XXYLT1: variants seen among roughly 807,000 people sequenced by gnomAD.
XXYLT1 encodes the protein UDP-xylose:alpha-xyloside alpha-1,3-xylosyltransferase.
A neutral mutation model predicts 28.9 loss-of-function variants in XXYLT1; 20 were observed. The observed-to-expected ratio is 0.69, with a 90% CI of 0.49 to 1.00. The LOEUF (loss-of-function observed/expected upper bound fraction) is 1.00. Among genes scored for constraint, XXYLT1 ranks in the 50% least tolerant of loss-of-function variants. The pLI is 0.00. For missense variants in XXYLT1, 542 were observed against 560.1 expected, an observed-to-expected ratio of 0.97 and a Z score of 0.33; for synonymous variants, 257 against 253.8, an observed-to-expected ratio of 1.01 and a Z score of -0.12.
chr3:195,117,228 C>T (rs971282731), intron 3 of XXYLT1, among the ~76,000 whole-genome samples: 1 of 151,982 alleles, frequency 6.6e-6, no homozygotes, highest in African/African-American at 2.4e-5. Context: ...TACACACACG[C>T]GTCCATATGT....
chr3:195,168,124 C>A lies in XXYLT1; in HGVS notation c.653-11543G>T. 6.6e-6 allele frequency among the ~76,000 whole-genome samples: 1 copy of A among 152,194 alleles called. No individual in the cohort carries two copies. The highest frequency in any genetic ancestry group is 1.9e-4 in the East Asian group (1 of 5,198). On this transcript the variant is annotated intron_variant, in intron 2 of 3. Coordinates refer to ENST00000310380, the MANE Select transcript of XXYLT1 (RefSeq NM_152531.5). This position sits in a 1 kb window ranked among gnomAD's most constrained non-coding sequence, Gnocchi z 4.3. ...GGCCCTGGGATAGAGCCGTGGCTCA[C>A]CGGCCTGGCTATGGCACTGCGTCCA...
At chr3:195,096,692 A>C (rs1347884081) in intron 3 of XXYLT1, among the ~76,000 whole-genome samples, 14 of 152,328 alleles carry the variant, frequency 9.2e-5, no homozygotes, top group Admixed American at 6.5e-4. Flanking sequence ...ATATTTACAC[A>C]GTTATTTAAC....
At chr3:195,223,242 A>G (rs995644519) in intron 2 of XXYLT1, among the ~76,000 whole-genome samples, 2 of 152,160 alleles carry the variant, frequency 1.3e-5, no homozygotes, top group Non-Finnish European at 2.9e-5. Flanking sequence ...AAAAAAAAGT[A>G]AGCACATTTT....
At chr3:195,094,757 C>CAA (rs1716326941) in intron 3 of XXYLT1, 1 of 153,794 alleles carries the variant, frequency 6.5e-6, no homozygotes, top group Non-Finnish European at 1.5e-5. Flanking sequence ...CAAGGGGCCA[C>CAA]AAGGCCGCAC....
At chr3:195,235,891 T>TATAGACATAGACATAGAC (rs3988214) in intron 1 of XXYLT1, among the ~76,000 whole-genome samples, 159 of 144,834 alleles carry the variant, frequency 1.1e-3, no homozygotes, top group Middle Eastern at 3.5e-3. Context: ...TCTATAAATA[T>TATAGACATAGACATAGAC]ATAGACATAG....
intron 1 of XXYLT1, among the ~76,000 whole-genome samples, chr3:195,232,235 T>C (rs1293737012): frequency 6.6e-6 from 1 of 152,164 alleles, no homozygotes; most frequent in African/African-American, 2.4e-5. Flanking sequence ...TAATATCTCC[T>C]TTTTCATCTC....
chr3:195,110,658 TGTTGTGTGTGGTGTATGTGTGTGTGTG>T, intron 3 of XXYLT1, among the ~76,000 whole-genome samples: 4 of 100,194 alleles, frequency 4.0e-5, no homozygotes, highest in South Asian at 3.5e-4. Flanking sequence ...GTGTGTGGTG[TGTTGTGTGTGGTGTATGTGTGTGTGTG>T]CTGTATGTGT....
chr3:195,203,587 G>T (rs1183633189), intron 2 of XXYLT1, among the ~76,000 whole-genome samples: 3 of 152,164 alleles, frequency 2.0e-5, no homozygotes, highest in Admixed American at 1.3e-4. Flanking sequence ...AAAACACAAA[G>T]AACAGAGCTC....
intron 2 of XXYLT1, among the ~76,000 whole-genome samples, chr3:195,178,913 T>C (rs1721806262): frequency 6.6e-6 from 1 of 152,180 alleles, no homozygotes; most frequent in African/African-American, 2.4e-5. Context: ...TTGGAAAACA[T>C]AAGAAAGAGT....
intron 2 of XXYLT1, among the ~76,000 whole-genome samples, chr3:195,167,528 T>C (rs1246022495): frequency 6.6e-6 from 1 of 152,130 alleles, no homozygotes; most frequent in African/African-American, 2.4e-5. Flanking sequence ...GAGGCGGAAG[T>C]TGCAGTGAGC....
In XXYLT1 at chr3:195,176,298, A is replaced by T. The variant is rs945101734; in HGVS notation, c.653-19717T>A. Among the ~76,000 whole-genome samples the T allele has an allele frequency of 1.1e-4, 17 of 152,178 alleles. No homozygotes were observed. The highest frequency in any genetic ancestry group is 4.1e-4 in the African/African-American group (17 of 41,432). On this transcript the variant is annotated intron_variant, in intron 2 of 3. Coordinates refer to ENST00000310380, the MANE Select transcript of XXYLT1 (RefSeq NM_152531.5). The surrounding 1 kb of genome is among the most constrained non-coding windows in gnomAD (Gnocchi z 4.9). ...AATTTTAACAACATGACCACATTCC[A>T]GTAATGACCTGAAAGGGAGAAGAGG...
intron 2 of XXYLT1, among the ~76,000 whole-genome samples, chr3:195,175,085 C>A (rs950105499): frequency 1.3e-5 from 2 of 152,180 alleles, no homozygotes; most frequent in African/African-American, 4.8e-5. Flanking sequence ...AGAGCTTCCC[C>A]ATTTAAGAAA....
intron 2 of XXYLT1, among the ~76,000 whole-genome samples, chr3:195,197,441 TAAA>T (rs59076636): frequency 2.8e-5 from 3 of 106,150 alleles, no homozygotes; most frequent in African/African-American, 3.3e-5. Flanking sequence ...AGTCTCAATT[TAAA>T]AAAAAAAAAA....
intron 2 of XXYLT1, among the ~76,000 whole-genome samples, chr3:195,219,167 G>A (rs983676968): frequency 2.1e-4 from 32 of 150,642 alleles, no homozygotes; most frequent in African/African-American, 6.3e-4. Context: ...GACTGTTGTG[G>A]GGTGGTGGGA....
In XXYLT1 at chr3:195,240,323, G is replaced by A. The variant is rs1168203180; in HGVS notation, c.505-13467C>T. Among the ~76,000 whole-genome samples, 1 of 152,208 alleles carries A rather than the reference G, an allele frequency of 6.6e-6. No individual in the cohort carries two copies. The highest frequency in any genetic ancestry group is 2.4e-5 in the African/African-American group (1 of 41,448). The stretch of plus-strand genomic sequence containing the variant: ...GCATCCATCAGTCATGGCAGAGCCT[G>A]GTGCCAGGCAGAAGCAGGCGTCTTT... On this transcript the variant is annotated intron_variant, in intron 1 of 3. Transcript: ENST00000310380. This position sits in a 1 kb window ranked among gnomAD's most constrained non-coding sequence, Gnocchi z 4.7.
rs1721659492 is a variant in XXYLT1 at position 195,176,246 on chromosome 3, A to G, written c.653-19665T>C. On this transcript the variant is annotated intron_variant, in intron 2 of 3. Transcript: ENST00000310380. The surrounding 1 kb of genome is among the most constrained non-coding windows in gnomAD (Gnocchi z 4.9). ...TAATTTCTGTATTTTTTGTAGAGACAGGGTTTCACCATGTTGCCCAGGCTG... is the reference window on the plus strand; with the variant it reads ...TAATTTCTGTATTTTTTGTAGAGACGGGGTTTCACCATGTTGCCCAGGCTG... Among the ~76,000 whole-genome samples, 1 of 152,156 alleles carries G rather than the reference A, an allele frequency of 6.6e-6. No homozygotes were observed. The highest frequency in any genetic ancestry group is 1.5e-5 in the Non-Finnish European group (1 of 68,030).
chr3:195,265,582 G>A (rs1185818956), intron 1 of XXYLT1, among the ~76,000 whole-genome samples: 1 of 152,194 alleles, frequency 6.6e-6, no homozygotes, highest in Non-Finnish European at 1.5e-5. Flanking sequence ...GCAGAGAGCT[G>A]GCCAGCATGG....
chr3:195,161,293 C>T (rs1420260654), intron 2 of XXYLT1, among the ~76,000 whole-genome samples: 6 of 152,186 alleles, frequency 3.9e-5, no homozygotes, highest in Non-Finnish European at 8.8e-5. Flanking sequence ...ACAGATTCGC[C>T]TCGCTCGATA....
intron 2 of XXYLT1, among the ~76,000 whole-genome samples, chr3:195,177,388 T>C (rs748039697): frequency 6.6e-6 from 1 of 152,150 alleles, no homozygotes; most frequent in Non-Finnish European, 1.5e-5. Flanking sequence ...GACTCTTGAA[T>C]GTGTTCATCA....
Sources: allele counts gnomAD v4.1 joint callset (sites outside exome capture counted in the v4.1 genomes callset), GRCh38; gene constraint gnomAD v4.1.1; non-coding constraint Gnocchi (gnomAD v3.1); transcripts MANE v1.5; gene names NCBI Gene and HGNC (gene_info 2026-07-23, HGNC 2026-07-21).